The following DLGAP2 variants were observed in gnomAD, a reference collection of about 807,000 sequenced individuals.
DLGAP2 encodes disks large-associated protein 2.
DLGAP2 carries 26 observed loss-of-function variants against 100.3 expected under a neutral mutation model. That is an observed-to-expected ratio of 0.26 (90% confidence interval 0.19 to 0.36). The LOEUF is 0.36. Ranked by LOEUF, DLGAP2 falls within the 10% of genes least tolerant of loss-of-function variation. The pLI, the probability that DLGAP2 is intolerant of heterozygous loss-of-function variation, is 1.00. For synonymous variants in DLGAP2, 886 were observed against 630.1 expected, an observed-to-expected ratio of 1.41 and a Z score of -6.08; for missense variants, 1,858 against 1,453.2, an observed-to-expected ratio of 1.28 and a Z score of -4.53.
intron 3 of DLGAP2, among the ~76,000 whole-genome samples, chr8:1,460,112 C>T (rs1228936877): frequency 1.3e-5 from 2 of 152,196 alleles, no homozygotes; most frequent in African/African-American, 4.8e-5. Flanking sequence ...TGGCATGTGG[C>T]CGGACTCGGT....
chr8:1,045,722 G>GGT (rs943052210), intron 2 of DLGAP2, among the ~76,000 whole-genome samples: 10 of 152,128 alleles, frequency 6.6e-5, no homozygotes, highest in African/African-American at 2.4e-4. Context: ...TTTAGGGACA[G>GGT]GTGTGTGTGT....
rs1799717707 is a variant in DLGAP2, at chr8:1,706,803, C to T, written c.*5397C>T. The T allele has an allele frequency of 6.6e-6, 1 of 152,192 alleles. No homozygotes were observed. Among genetic ancestry groups the T allele is most frequent in the Non-Finnish European group, 1.5e-5 (1 of 68,040 alleles). The allele number at this position is 152,192 out of a possible 1,614,324, so 9.4% of individuals were successfully genotyped here. On this transcript the variant is annotated 3_prime_UTR_variant, in exon 15 of 15. Transcript: ENST00000637795. ...ACGAAATCAGACACACTGACTCAAA[C>T]CACGCAAGGGTTTGAGAAGCCCACC...
chr8:983,193 G>GC (rs1313831159), intron 2 of DLGAP2, among the ~76,000 whole-genome samples: 2 of 152,130 alleles, frequency 1.3e-5, no homozygotes, highest in Admixed American at 1.3e-4. Context: ...CTTTAAATAT[G>GC]CCCTTAGAAT....
chr8:1,438,810 G>T (rs148005856), intron 3 of DLGAP2, among the ~76,000 whole-genome samples: 1 of 152,196 alleles, frequency 6.6e-6, no homozygotes, highest in African/African-American at 2.4e-5. Context: ...TATGGAAACT[G>T]CCATCCACAA....
Position 865,189 on chromosome 8 carries a change from C to T in DLGAP2, c.19-42723C>T, listed in dbSNP as rs545272175. 6.6e-5 allele frequency among the ~76,000 whole-genome samples: 10 copies of T among 152,326 alleles called. No homozygotes were observed. In the East Asian group the frequency reaches 7.7e-4, roughly 12 times the overall value. ...GGACGACGGGTGCCCTCGCTGGACA[C>T]GCTGTCTGCAACATCTTGGCTCCAG... On this transcript the variant is annotated intron_variant, in intron 1 of 14. Transcript: ENST00000637795.
intron 2 of DLGAP2, among the ~76,000 whole-genome samples, chr8:1,009,099 C>G (rs911539065): frequency 6.6e-5 from 10 of 152,212 alleles, no homozygotes; most frequent in African/African-American, 2.4e-4. Flanking sequence ...CACAGCCCAG[C>G]CTGGGGACCC....
At chr8:1,443,521 C>T (rs1189545984) in intron 3 of DLGAP2, among the ~76,000 whole-genome samples, 2 of 152,200 alleles carry the variant, frequency 1.3e-5, no homozygotes, top group Middle Eastern at 3.2e-3. Flanking sequence ...CGTCTGTTCT[C>T]ACCCTGCTAA....
At position 1,452,383 on chromosome 8, in the gene DLGAP2, A is replaced by C. The variant is rs577432604; in HGVS notation, c.107-48983A>C. On this transcript the variant is annotated intron_variant, in intron 3 of 14. Transcript: ENST00000637795. ...AGCACCAAACATCAGCCCTGAGCCG[A>C]GGCTATGCGTGCGACAGGTTCATCA... Among the ~76,000 whole-genome samples, 10 of 152,350 alleles carry C rather than the reference A, an allele frequency of 6.6e-5. No homozygotes were observed. In the East Asian group the frequency reaches 1.9e-3, roughly 29 times the overall value.
At chr8:899,840 C>T (rs1220922126) in intron 1 of DLGAP2, among the ~76,000 whole-genome samples, 5 of 152,180 alleles carry the variant, frequency 3.3e-5, no homozygotes, top group Admixed American at 3.3e-4. Context: ...CGTGGTGTAA[C>T]TGCACGTATT....
At chr8:1,291,372 A>C (rs1042215468) in intron 3 of DLGAP2, among the ~76,000 whole-genome samples, 1 of 152,132 alleles carries the variant, frequency 6.6e-6, no homozygotes, top group African/African-American at 2.4e-5. Context: ...CTATTTTTCT[A>C]TCATGGGCAT....
At chr8:1,080,317 G>A (rs964834023) in intron 2 of DLGAP2, among the ~76,000 whole-genome samples, 3 of 152,254 alleles carry the variant, frequency 2.0e-5, no homozygotes, top group African/African-American at 4.8e-5. Flanking sequence ...CCTCCGGGGG[G>A]CCGGCCTTTC....
intron 3 of DLGAP2, among the ~76,000 whole-genome samples, chr8:1,322,528 T>C (rs1800928104): frequency 1.3e-5 from 2 of 152,044 alleles, no homozygotes; most frequent in Admixed American, 6.5e-5. Flanking sequence ...TGGAAATGCA[T>C]GCACCCACCC....
chr8:1,037,999 G>A (rs1802184799), intron 2 of DLGAP2, among the ~76,000 whole-genome samples: 1 of 152,242 alleles, frequency 6.6e-6, no homozygotes, highest in African/African-American at 2.4e-5. Context: ...GGTGTCCATA[G>A]TGTGTAACTA....
chr8:1,494,558 G>A (rs895019624), intron 3 of DLGAP2, among the ~76,000 whole-genome samples: 3 of 152,068 alleles, frequency 2.0e-5, no homozygotes, highest in African/African-American at 2.4e-5. Context: ...ATGAAACCCC[G>A]TCTCTACTAA....
At chr8:897,925 T>C (rs987686511) in intron 1 of DLGAP2, among the ~76,000 whole-genome samples, 2 of 152,126 alleles carry the variant, frequency 1.3e-5, no homozygotes, top group African/African-American at 2.4e-5. Flanking sequence ...AGCGAGTTGC[T>C]GTGTTCCCTC....
intron 8 of DLGAP2, among the ~76,000 whole-genome samples, chr8:1,651,759 T>C (rs1798170429): frequency 6.6e-6 from 1 of 152,130 alleles, no homozygotes; most frequent in South Asian, 2.1e-4. Context: ...GCAGCAAAAA[T>C]CCTTCTGATC....
chr8:747,254 T>G (rs926819527), intron 1 of DLGAP2, among the ~76,000 whole-genome samples: 14 of 152,232 alleles, frequency 9.2e-5, no homozygotes, highest in African/African-American at 2.9e-4. Flanking sequence ...GGGACTTCTT[T>G]ACGTTTTCAT....
chr8:1,280,786 G>A (rs115068903), intron 3 of DLGAP2, among the ~76,000 whole-genome samples: 5 of 152,184 alleles, frequency 3.3e-5, no homozygotes, highest in African/African-American at 4.8e-5. Flanking sequence ...TGCAAGCTTC[G>A]TGTTTGCAGA....
chr8:1,419,583 T>G (rs1246296682), intron 3 of DLGAP2, among the ~76,000 whole-genome samples: 1 of 152,124 alleles, frequency 6.6e-6, no homozygotes, highest in Non-Finnish European at 1.5e-5. Context: ...ATGTATAAGG[T>G]GAGGTGTATG....
Sources: allele counts gnomAD v4.1 joint callset (sites outside exome capture counted in the v4.1 genomes callset), GRCh38; gene constraint gnomAD v4.1.1; transcripts MANE v1.5; gene names NCBI Gene and HGNC (gene_info 2026-07-23, HGNC 2026-07-21).